NBEAL1: variants seen among roughly 807,000 people sequenced by gnomAD.
NBEAL1 encodes neurobeachin-like protein 1.
In NBEAL1, 273 loss-of-function variants were observed where a neutral mutation model predicts 351.3. That is an observed-to-expected ratio of 0.78 (90% CI 0.70 to 0.86). NBEAL1 has a LOEUF of 0.86. Among genes scored for constraint, NBEAL1 ranks in the 40% least tolerant of loss-of-function variants. NBEAL1 has a pLI of 0.00. For missense variants in NBEAL1, 2,961 were observed against 3,201.3 expected (o/e 0.92, Z 1.81); for synonymous variants, 1,050 against 1,086.4 (o/e 0.97, Z 0.66).
At chr2:203,140,514 T>G (rs1006997318) in intron 31 of NBEAL1, among the ~76,000 whole-genome samples, 6 of 148,594 alleles carry the variant, frequency 4.0e-5, no homozygotes, top group East Asian at 1.9e-4. Flanking sequence ...ACTAATAGGG[T>G]TTTTTTTTCC....
At chr2:203,129,990 C>G (rs2063036560) in intron 24 of NBEAL1, among the ~76,000 whole-genome samples, 1 of 152,114 alleles carries the variant, frequency 6.6e-6, no homozygotes, top group Non-Finnish European at 1.5e-5. Flanking sequence ...GACGAAACCC[C>G]ATTCCTACCA....
chr2:203,129,737 GT>G (rs1277760109), intron 24 of NBEAL1, among the ~76,000 whole-genome samples: 1 of 152,156 alleles, frequency 6.6e-6, no homozygotes, highest in African/African-American at 2.4e-5. Flanking sequence ...GTTCTATGAG[GT>G]TTTCCCAAGA....
In NBEAL1 at chr2:203,035,070, T is replaced by G. The variant is rs917105396; in HGVS notation, c.52-6695T>G. On this transcript the variant is annotated intron_variant, in intron 2 of 55. Transcript: ENST00000683969. Reference sequence around the variant, plus strand: ...ATAAAGCATTCCCCCTATTCTTAGCTGTAACCCTGTCTCTGAAGAACTAGG... The same window carrying G: ...ATAAAGCATTCCCCCTATTCTTAGCGGTAACCCTGTCTCTGAAGAACTAGG... 1.3e-5 allele frequency among the ~76,000 whole-genome samples: 2 copies of G among 149,252 alleles called. 1 individual carries two copies. The highest frequency in any genetic ancestry group is 3.0e-5 in the Non-Finnish European group (2 of 66,564).
At chr2:203,184,038 G>C (rs192171287) in intron 44 of NBEAL1, among the ~76,000 whole-genome samples, 1 of 134,568 alleles carries the variant, frequency 7.4e-6, no homozygotes, top group Admixed American at 8.1e-5. Flanking sequence ...AGATCACGCC[G>C]TTGCATTCCA....
intron 31 of NBEAL1, among the ~76,000 whole-genome samples, chr2:203,141,360 ATTATTATTTT>A (rs1210843947): frequency 7.3e-4 from 10 of 13,634 alleles, no homozygotes; most frequent in African/African-American, 1.7e-3. Flanking sequence ...TATTATTATT[ATTATTATTTT>A]TTTTTTTTTT....
intron 2 of NBEAL1, among the ~76,000 whole-genome samples, chr2:203,030,139 A>G (rs1399477357): frequency 6.6e-6 from 1 of 152,200 alleles, no homozygotes; most frequent in Non-Finnish European, 1.5e-5. Flanking sequence ...GTCCTTAAGT[A>G]TAGATTTTCA....
In NBEAL1 at chr2:203,067,794, A is replaced by G. The variant is rs146468363; in HGVS notation, c.516-599A>G. Among the ~76,000 whole-genome samples, 360 of 152,344 alleles carry G rather than the reference A, an allele frequency of 2.4e-3. 3 individuals are homozygous for G. Among genetic ancestry groups the G allele is most frequent in the African/African-American group, 8.4e-3 (350 of 41,590 alleles). On this transcript the variant is annotated intron_variant, in intron 6 of 55. Coordinates refer to ENST00000683969, the MANE Select transcript of NBEAL1 (RefSeq NM_001378026.1). ...ATCTCCACACCACTATGCCCATCTA[A>G]GAGATTCATTTTGTATCAAATTGAA...
At chr2:203,022,790 A>G (rs1214955830) in intron 2 of NBEAL1, among the ~76,000 whole-genome samples, 4 of 152,126 alleles carry the variant, frequency 2.6e-5, no homozygotes, top group Non-Finnish European at 5.9e-5. Context: ...GTCTTAACCG[A>G]GAATGTCTTA....
chr2:203,165,718 C>G (rs2064111779), intron 36 of NBEAL1, among the ~76,000 whole-genome samples: 1 of 152,060 alleles, frequency 6.6e-6, no homozygotes, highest in Non-Finnish European at 1.5e-5. Flanking sequence ...TTCAGATATT[C>G]TTTCCTGGAC....
intron 6 of NBEAL1, among the ~76,000 whole-genome samples, chr2:203,066,190 A>G (rs2061582640): frequency 6.6e-6 from 1 of 152,204 alleles, no homozygotes; most frequent in African/African-American, 2.4e-5. Context: ...TCAGGTGAGG[A>G]TGTTTATTGT....
chr2:203,114,530 AC>A (rs1464701072), intron 17 of NBEAL1, among the ~76,000 whole-genome samples: 1 of 152,198 alleles, frequency 6.6e-6, no homozygotes, highest in African/African-American at 2.4e-5. Flanking sequence ...ATGATTTTAA[AC>A]ATATGTACTA....
At chr2:203,206,412 T>TTCCCTC (rs1432393702) in intron 51 of NBEAL1, among the ~76,000 whole-genome samples, 7 of 151,806 alleles carry the variant, frequency 4.6e-5, no homozygotes, top group East Asian at 1.9e-4. Context: ...CTCTGTCCCT[T>TTCCCTC]TCCCTCTCCC....
At chr2:203,095,863 C>T (rs2062173438) in intron 10 of NBEAL1, among the ~76,000 whole-genome samples, 1 of 152,080 alleles carries the variant, frequency 6.6e-6, no homozygotes, top group South Asian at 2.1e-4. Context: ...ACCTCCACCT[C>T]CCGGGTTCAG....
Position 203,166,171 on chromosome 2 carries a change from C to A in NBEAL1, c.5737C>A (p.Gln1913Lys). ...VNVDEKEEQD[Q>K]KEKLVLMEDC... Reference sequence around the variant, plus strand: ...CAGTGATGAGAAAGAAGAACAGGATCAAAAAGAAAAATTGGTATTGATGGA... The same window carrying A: ...CAGTGATGAGAAAGAAGAACAGGATAAAAAAGAAAAATTGGTATTGATGGA... The change falls in exon 37 of 56, where the codon CAA becomes AAA. Residue 1913 changes from glutamine (Q) to lysine (K), a missense_variant. By Grantham distance (53) the Gln-to-Lys change is moderately conservative. Coordinates refer to ENST00000683969, the MANE Select transcript of NBEAL1 (RefSeq NM_001378026.1). The A allele has an allele frequency of 1.3e-6, 2 of 1,581,490 alleles. No homozygotes were observed. The highest frequency in any genetic ancestry group is 2.3e-5 in the East Asian group (1 of 42,988).
At position 203,169,836 on chromosome 2, in the gene NBEAL1, A is replaced by C. The variant is rs542034534; in HGVS notation, c.6087A>C (p.Ala2029=). 21 of 1,600,156 alleles carry C rather than the reference A, an allele frequency of 1.3e-5. No individual in the cohort carries two copies. In the Admixed American group the frequency reaches 1.4e-4, roughly 10 times the overall value. ...GATCACCACAGGAGTTATTCAAAGC[A>C]TCAGGATTGACACAGGTAGGAAATT... ...GSRSPQELFK[A]SGLTQKWVNR... is the part of the protein sequence containing the mutation. Residue 2029 remains alanine (A), a synonymous_variant, in exon 39 of 56, where the codon GCA becomes GCC. Transcript: ENST00000683969.
chr2:203,157,908 C>G (rs931322419), intron 36 of NBEAL1, 83 bp downstream of exon 36: 4 of 1,125,442 alleles, frequency 3.6e-6, no homozygotes, highest in African/African-American at 3.2e-5. Context: ...AATTCTAACA[C>G]CATGTATTTC....
intron 3 of NBEAL1, among the ~76,000 whole-genome samples, chr2:203,044,703 A>G (rs997260426): frequency 6.6e-6 from 1 of 152,234 alleles, no homozygotes; most frequent in Non-Finnish European, 1.5e-5. Context: ...ATTTTTAAGT[A>G]CATGCTACGT....
intron 2 of NBEAL1, among the ~76,000 whole-genome samples, chr2:203,022,157 C>A (rs1249125829): frequency 6.6e-6 from 1 of 152,082 alleles, no homozygotes; most frequent in Non-Finnish European, 1.5e-5. Context: ...AGACACTTAG[C>A]CTTTTGGGAG....
chr2:203,037,984 T>A lies in NBEAL1; in HGVS notation c.52-3781T>A, dbSNP rs897019376. 5.4e-5 allele frequency among the ~76,000 whole-genome samples: 8 copies of A among 148,990 alleles called. 1 individual carries two copies. The highest frequency in any genetic ancestry group is 2.0e-4 in the African/African-American group (8 of 41,010). ...ATAAATAAATACACAAATAAATACATGAATAAATAAATAAGTAGTATGTGC... is the reference window on the plus strand; with the variant it reads ...ATAAATAAATACACAAATAAATACAAGAATAAATAAATAAGTAGTATGTGC... On this transcript the variant is annotated intron_variant, in intron 2 of 55. Transcript: ENST00000683969.
Sources: allele counts gnomAD v4.1 joint callset (sites outside exome capture counted in the v4.1 genomes callset), GRCh38; gene constraint gnomAD v4.1.1; transcripts MANE v1.5; gene names NCBI Gene and HGNC (gene_info 2026-07-23, HGNC 2026-07-21).